Variants in GRM5 observed in about 807,000 individuals in gnomAD.
GRM5 encodes metabotropic glutamate receptor 5.
Under a neutral mutation model 83.1 loss-of-function variants are expected in GRM5, and 19 were observed. The ratio of observed to expected loss-of-function variants is 0.23; its 90% CI spans 0.16 to 0.34. The LOEUF (loss-of-function observed/expected upper bound fraction) is 0.34. GRM5 is among the 10% of genes least tolerant of loss of function. The pLI, the probability that GRM5 is intolerant of heterozygous loss-of-function variation, is 1.00. For synonymous variants in GRM5, 675 were observed against 633.6 expected, an observed-to-expected ratio of 1.07 and a Z score of -0.98; for missense variants, 1,160 against 1,588.3, an observed-to-expected ratio of 0.73 and a Z score of 4.58.
intron 8 of GRM5, among the ~76,000 whole-genome samples, chr11:88,542,293 T>G (rs1187893218): frequency 1.3e-5 from 2 of 152,116 alleles, no homozygotes; most frequent in African/African-American, 4.8e-5. Flanking sequence ...TGTTGAACAC[T>G]GAGGCTTGTA....
At chr11:88,695,482 G>T (rs1027211285) in intron 3 of GRM5, among the ~76,000 whole-genome samples, 3 of 152,140 alleles carry the variant, frequency 2.0e-5, no homozygotes, top group African/African-American at 7.2e-5. Context: ...CCTCAGGTCA[G>T]TATTTTTAGG....
intron 3 of GRM5, among the ~76,000 whole-genome samples, chr11:88,842,335 G>A (rs1033243272): frequency 2.6e-5 from 4 of 152,140 alleles, no homozygotes; most frequent in Non-Finnish European, 5.9e-5. Flanking sequence ...TCAAACTCAT[G>A]TTGTTCAAGG....
intron 2 of GRM5, among the ~76,000 whole-genome samples, chr11:88,954,847 G>A (rs1252873546): frequency 6.6e-6 from 1 of 152,130 alleles, no homozygotes; most frequent in Non-Finnish European, 1.5e-5. Context: ...GGTAGGCATG[G>A]TACATTGTGG....
At chr11:88,771,281 G>C (rs997584598) in intron 3 of GRM5, among the ~76,000 whole-genome samples, 1 of 152,002 alleles carries the variant, frequency 6.6e-6, no homozygotes, top group Admixed American at 6.6e-5. Flanking sequence ...ACGATCACAA[G>C]GTAAAGTCCC....
intron 2 of GRM5, among the ~76,000 whole-genome samples, chr11:88,966,063 A>G (rs1284188871): frequency 6.6e-6 from 1 of 152,172 alleles, no homozygotes; most frequent in Non-Finnish European, 1.5e-5. Flanking sequence ...AGACCGTAAC[A>G]TAATTTAAAT....
intron 3 of GRM5, among the ~76,000 whole-genome samples, chr11:88,792,190 A>G (rs1943187042): frequency 6.6e-6 from 1 of 152,124 alleles, no homozygotes; most frequent in Non-Finnish European, 1.5e-5. Context: ...TAAAATCAAT[A>G]GCCCTGTTTT....
At chr11:89,013,685 G>A (rs1419319034) in intron 2 of GRM5, among the ~76,000 whole-genome samples, 1 of 152,178 alleles carries the variant, frequency 6.6e-6, no homozygotes, top group African/African-American at 2.4e-5. Flanking sequence ...ATCTTCTCAT[G>A]TCAACTCCCT....
In GRM5 at chr11:88,975,653, G is replaced by A. The variant is rs190524200; in HGVS notation, c.661+71559C>T. Reference sequence around the variant, plus strand: ...TCCTAGGCTCCAACCCAGATCTACTGACTCAGAAACTGCCTTTTAACATTA... The same window carrying A: ...TCCTAGGCTCCAACCCAGATCTACTAACTCAGAAACTGCCTTTTAACATTA... On this transcript the variant is annotated intron_variant, in intron 2 of 9. Coordinates refer to ENST00000305447, the MANE Select transcript of GRM5 (RefSeq NM_001143831.3). Among the ~76,000 whole-genome samples, 4 of 152,290 alleles carry A rather than the reference G, an allele frequency of 2.6e-5. No homozygotes were observed. The East Asian group carries it at 7.7e-4, about 29-fold the overall frequency.
At chr11:88,605,292 A>G (rs187630847) in intron 4 of GRM5, among the ~76,000 whole-genome samples, 49 of 152,120 alleles carry the variant, frequency 3.2e-4, no homozygotes, top group African/African-American at 1.0e-3. Context: ...GGACAGATTC[A>G]TTTCATTAGT....
intron 3 of GRM5, among the ~76,000 whole-genome samples, chr11:88,816,206 C>G (rs1943675765): frequency 2.0e-5 from 2 of 101,454 alleles, no homozygotes; most frequent in Non-Finnish European, 3.4e-5. Context: ...GGCGACAGAG[C>G]GAGACTCCGT....
chr11:88,637,028 A>G (rs915950754), intron 4 of GRM5, among the ~76,000 whole-genome samples: 10 of 152,190 alleles, frequency 6.6e-5, no homozygotes, highest in Admixed American at 6.5e-5. Flanking sequence ...TTGACTTGGC[A>G]ATGCGGGCTC....
At chr11:88,856,032 C>G (rs1944468573) in intron 2 of GRM5, among the ~76,000 whole-genome samples, 1 of 151,962 alleles carries the variant, frequency 6.6e-6, no homozygotes, top group Admixed American at 6.6e-5. Context: ...AATACTAAAT[C>G]TTTGCAAAGA....
chr11:88,814,159 C>T (rs1464039758), intron 3 of GRM5, among the ~76,000 whole-genome samples: 2 of 152,008 alleles, frequency 1.3e-5, no homozygotes, highest in Non-Finnish European at 2.9e-5. Context: ...TCAAGAAATA[C>T]AATATTGAAC....
At chr11:88,645,903 TACTC>T (rs1187943272) in intron 4 of GRM5, among the ~76,000 whole-genome samples, 2 of 152,204 alleles carry the variant, frequency 1.3e-5, no homozygotes, top group East Asian at 3.9e-4. Context: ...AGGTGGGGAC[TACTC>T]ACTCCTACAC....
chr11:88,684,637 C>T (rs1344899113), intron 3 of GRM5, among the ~76,000 whole-genome samples: 1 of 152,126 alleles, frequency 6.6e-6, no homozygotes, highest in African/African-American at 2.4e-5. Context: ...TATAGTTTGG[C>T]TCTGTGTCCC....
At chr11:89,021,732 A>G (rs1240482244) in intron 2 of GRM5, among the ~76,000 whole-genome samples, 2 of 152,190 alleles carry the variant, frequency 1.3e-5, no homozygotes, top group Admixed American at 6.5e-5. Flanking sequence ...TCTAGACTCT[A>G]TATTTTTTGG....
At chr11:88,924,971 G>T (rs1482462914) in intron 2 of GRM5, among the ~76,000 whole-genome samples, 3 of 151,816 alleles carry the variant, frequency 2.0e-5, no homozygotes, top group African/African-American at 7.3e-5. Context: ...AAATCATTTT[G>T]GGGGAGGGAA....
intron 9 of GRM5, among the ~76,000 whole-genome samples, chr11:88,521,874 C>T (rs1006095411): frequency 1.3e-5 from 2 of 152,192 alleles, no homozygotes; most frequent in Non-Finnish European, 2.9e-5. Flanking sequence ...GCTAATGTTA[C>T]AGATCAGAAA....
At chr11:88,666,462 C>G (rs1206096093) in intron 3 of GRM5, among the ~76,000 whole-genome samples, 3 of 152,174 alleles carry the variant, frequency 2.0e-5, no homozygotes, top group African/African-American at 4.8e-5. Context: ...TCAATCGAGT[C>G]TCTCAAGAGT....
Sources: gnomAD v4.1 joint callset for allele counts (sites outside exome capture counted in the v4.1 genomes callset) on GRCh38, gnomAD v4.1.1 for gene constraint, MANE v1.5 for transcripts, NCBI Gene and HGNC (gene_info 2026-07-23, HGNC 2026-07-21) for gene names.